Variants in ANKS1B observed in about 807,000 individuals in gnomAD.
ANKS1B encodes ankyrin repeat and sterile alpha motif domain-containing protein 1B.
ANKS1B carries 36 observed loss-of-function variants against 148.3 expected under a neutral mutation model. The ratio of observed to expected loss-of-function variants is 0.24; its 90% CI spans 0.19 to 0.32. ANKS1B has a LOEUF of 0.32. Among genes scored for constraint, ANKS1B ranks in the 10% least tolerant of loss-of-function variants. The pLI, the probability that ANKS1B is intolerant of heterozygous loss-of-function variation, is 1.00. For missense variants in ANKS1B, 1,157 were observed against 1,542.6 expected (o/e 0.75, Z 4.19); for synonymous variants, 542 against 560.8 (o/e 0.97, Z 0.47).
At chr12:99,136,500 G>A (rs541269994) in intron 15 of ANKS1B, among the ~76,000 whole-genome samples, 3 of 152,234 alleles carry the variant, frequency 2.0e-5, no homozygotes, top group South Asian at 2.1e-4. Flanking sequence ...ATATTTTGTC[G>A]CACTTGAATT....
At chr12:99,750,451 G>A (rs1291122669) in intron 8 of ANKS1B, among the ~76,000 whole-genome samples, 1 of 151,966 alleles carries the variant, frequency 6.6e-6, no homozygotes, top group African/African-American at 2.4e-5. Context: ...GTATAAATGA[G>A]AACTACAAAA....
intron 17 of ANKS1B, among the ~76,000 whole-genome samples, chr12:98,998,680 A>G (rs944889109): frequency 2.6e-5 from 4 of 152,250 alleles, no homozygotes; most frequent in African/African-American, 9.6e-5. Context: ...TATGTAAAAA[A>G]GAGGCAGAAA....
intron 17 of ANKS1B, among the ~76,000 whole-genome samples, chr12:99,017,273 A>G (rs925812622): frequency 3.3e-5 from 5 of 152,198 alleles, no homozygotes; most frequent in African/African-American, 9.6e-5. Flanking sequence ...CTTAAAACAA[A>G]GATGATAATA....
At chr12:99,341,887 A>G (rs1181236617) in intron 12 of ANKS1B, among the ~76,000 whole-genome samples, 1 of 152,144 alleles carries the variant, frequency 6.6e-6, no homozygotes, top group Admixed American at 6.6e-5. Context: ...TAACTACTAC[A>G]ATATTTAATA....
chr12:99,744,536 C>T (rs1341125661), intron 8 of ANKS1B, among the ~76,000 whole-genome samples: 1 of 152,202 alleles, frequency 6.6e-6, no homozygotes, highest in Non-Finnish European at 1.5e-5. Context: ...AAATATAACA[C>T]TACAGCTACA....
chr12:99,501,950 G>A (rs995710274), intron 10 of ANKS1B, among the ~76,000 whole-genome samples: 20 of 151,688 alleles, frequency 1.3e-4, no homozygotes, highest in African/African-American at 3.6e-4. Flanking sequence ...TTTCTATATC[G>A]TATCCAGCAT....
chr12:99,762,612 T>G (rs2062238890), intron 8 of ANKS1B, among the ~76,000 whole-genome samples: 1 of 152,112 alleles, frequency 6.6e-6, no homozygotes, highest in Non-Finnish European at 1.5e-5. Context: ...ATTCTGGACA[T>G]AGGTCTGGGC....
chr12:99,930,285 T>G (rs1319195822), intron 1 of ANKS1B, among the ~76,000 whole-genome samples: 3 of 151,974 alleles, frequency 2.0e-5, no homozygotes, highest in African/African-American at 7.2e-5. Flanking sequence ...TCACTCATGA[T>G]TTGGCTCTCT....
chr12:99,644,242 A>AT (rs2098337864), intron 9 of ANKS1B, among the ~76,000 whole-genome samples: 1 of 152,112 alleles, frequency 6.6e-6, no homozygotes, highest in Non-Finnish European at 1.5e-5. Context: ...TCCAGTTTTC[A>AT]ATAACATGTT....
intron 17 of ANKS1B, among the ~76,000 whole-genome samples, chr12:98,960,012 G>C (rs577946019): frequency 4.6e-5 from 7 of 152,308 alleles, no homozygotes; most frequent in African/African-American, 1.7e-4. Flanking sequence ...GTAGGACCTG[G>C]CTCCTGGATG....
chr12:99,525,617 T>C (rs1037240059), intron 9 of ANKS1B, among the ~76,000 whole-genome samples: 2 of 152,216 alleles, frequency 1.3e-5, no homozygotes, highest in Admixed American at 1.3e-4. Flanking sequence ...CCACGGGTTA[T>C]ATAATAATTG....
At chr12:99,929,911 T>C (rs1367102476) in intron 1 of ANKS1B, among the ~76,000 whole-genome samples, 11 of 151,914 alleles carry the variant, frequency 7.2e-5, no homozygotes, top group African/African-American at 2.7e-4. Flanking sequence ...CCTTGTAGTA[T>C]AGTTTGAAGT....
chr12:99,584,530 G>A (rs540872112), intron 9 of ANKS1B, among the ~76,000 whole-genome samples: 3 of 152,150 alleles, frequency 2.0e-5, no homozygotes, highest in Admixed American at 6.5e-5. Flanking sequence ...CCAGGAGACC[G>A]AGGCTGCAGC....
chr12:99,268,321 C>T (rs1460239498), intron 12 of ANKS1B, among the ~76,000 whole-genome samples: 1 of 152,114 alleles, frequency 6.6e-6, no homozygotes, highest in Non-Finnish European at 1.5e-5. Context: ...ATATGAGTCC[C>T]CTTGAAAAAG....
intron 10 of ANKS1B, among the ~76,000 whole-genome samples, chr12:99,485,179 C>G (rs982849593): frequency 6.6e-6 from 1 of 151,900 alleles, no homozygotes; most frequent in African/African-American, 2.4e-5. Context: ...GTTTAGAACA[C>G]CTTTTAGCAC....
At chr12:99,818,551 TGTAAA>T (rs1381356899) in intron 2 of ANKS1B, among the ~76,000 whole-genome samples, 8 of 151,930 alleles carry the variant, frequency 5.3e-5, no homozygotes, top group African/African-American at 1.9e-4. Context: ...ATGTCTTAAA[TGTAAA>T]GTAGCATTTT....
At chr12:99,690,296 AC>A (rs1431571909) in intron 8 of ANKS1B, among the ~76,000 whole-genome samples, 1 of 152,000 alleles carries the variant, frequency 6.6e-6, no homozygotes, top group African/African-American at 2.4e-5. Flanking sequence ...ATATCATTCC[AC>A]CCCTGGCCCC....
intron 17 of ANKS1B, among the ~76,000 whole-genome samples, chr12:99,023,456 G>T (rs992185118): frequency 2.4e-4 from 36 of 151,916 alleles, no homozygotes; most frequent in African/African-American, 8.2e-4. Flanking sequence ...TTATTGAAAG[G>T]TTCTTCTTCT....
At chr12:99,669,961 C>G (rs1004802516) in intron 8 of ANKS1B, among the ~76,000 whole-genome samples, 3 of 152,112 alleles carry the variant, frequency 2.0e-5, no homozygotes, top group African/African-American at 7.2e-5. Context: ...TTAGGGATCA[C>G]AGTCCTGTCT....
Sources: allele counts gnomAD v4.1 joint callset (sites outside exome capture counted in the v4.1 genomes callset), GRCh38; gene constraint gnomAD v4.1.1; transcripts MANE v1.5; gene names NCBI Gene and HGNC (gene_info 2026-07-23, HGNC 2026-07-21).